FUT8: variants seen among roughly 807,000 people sequenced by gnomAD.
FUT8 encodes the protein fucosyltransferase 8, also known as alpha-(1,6)-fucosyltransferase.
In FUT8, 29 loss-of-function variants were observed where a neutral mutation model predicts 71.3. That is an observed-to-expected ratio of 0.41 (90% CI 0.30 to 0.55). The LOEUF is 0.55. Among genes scored for constraint, FUT8 ranks in the 20% least tolerant of loss-of-function variants. The pLI, the probability that FUT8 is intolerant of heterozygous loss-of-function variation, is 0.34. For missense variants in FUT8, 544 were observed against 702.1 expected, an observed-to-expected ratio of 0.77 and a Z score of 2.55; for synonymous variants, 254 against 239.3, an observed-to-expected ratio of 1.06 and a Z score of -0.57.
At chr14:65,639,114 C>T (rs748697057) in intron 6 of FUT8, among the ~76,000 whole-genome samples, 25 of 151,444 alleles carry the variant, frequency 1.7e-4, no homozygotes, top group Non-Finnish European at 3.4e-4. Context: ...AAAAAATGAA[C>T]AACTTGACTA....
chr14:65,473,973 A>G lies in FUT8; in HGVS notation c.-228+18255A>G, dbSNP rs2066189417. ...ATGTAATACCACTCAGCCATAAAGA[A>G]GAATGAAATAACATTTTTGCAGCAA... On this transcript the variant is annotated intron_variant, in intron 2 of 10. Coordinates refer to ENST00000673929, the MANE Select transcript of FUT8 (RefSeq NM_001371533.1). Among the ~76,000 whole-genome samples the G allele has an allele frequency of 2.0e-5, 3 of 152,304 alleles. No homozygotes were observed. The South Asian group carries it at 6.2e-4, about 32-fold the overall frequency.
chr14:65,482,533 A>G (rs2066347557), intron 2 of FUT8, among the ~76,000 whole-genome samples: 2 of 152,114 alleles, frequency 1.3e-5, no homozygotes, highest in African/African-American at 4.8e-5. Context: ...GTGAAAATCA[A>G]TTTCTAAATG....
At chr14:65,390,599 G>A in the FUT8 span, among the ~76,000 whole-genome samples, 6 of 151,670 alleles carry the variant, frequency 4.0e-5, no homozygotes, top group African/African-American at 1.5e-4. Context: ...CTACATATCA[G>A]TTTGAGGAAA....
intron 7 of FUT8, among the ~76,000 whole-genome samples, chr14:65,692,540 G>A (rs1893714954): frequency 2.1e-5 from 3 of 142,558 alleles, no homozygotes; most frequent in Admixed American, 2.0e-4. Context: ...GGACGGGGCG[G>A]CTGGCCGGGA....
chr14:65,412,270 G>A (rs768537915), upstream of FUT8: 3 of 455,786 alleles, frequency 6.6e-6, no homozygotes, highest in African/African-American at 2.0e-5. Flanking sequence ...CGGGCTGCAG[G>A]GGCTGAGCAG....
chr14:65,596,080 A>G (rs536092602), intron 3 of FUT8, among the ~76,000 whole-genome samples: 1 of 152,320 alleles, frequency 6.6e-6, no homozygotes, highest in Admixed American at 6.5e-5. Context: ...TGACCTGACA[A>G]ACTGGTAATC....
intron 3 of FUT8, among the ~76,000 whole-genome samples, chr14:65,566,579 G>T (rs1051572659): frequency 4.6e-5 from 7 of 151,950 alleles, no homozygotes; most frequent in Non-Finnish European, 8.8e-5. Context: ...TAGATTTTCA[G>T]GTGGATTTGG....
chr14:65,543,672 A>G (rs1408859657), intron 2 of FUT8, among the ~76,000 whole-genome samples: 4 of 152,102 alleles, frequency 2.6e-5, no homozygotes, highest in Non-Finnish European at 4.4e-5. Context: ...TGATTAGTCT[A>G]AGCTGGTAAT....
the FUT8 span, among the ~76,000 whole-genome samples, chr14:65,381,450 A>G: frequency 3.9e-5 from 6 of 152,324 alleles, no homozygotes; most frequent in Admixed American, 1.3e-4. Context: ...TTCTTATTCC[A>G]TCTGACAACA....
intron 3 of FUT8, among the ~76,000 whole-genome samples, chr14:65,584,229 A>C (rs183047535): frequency 0.013 from 1,860 of 147,098 alleles, 15 homozygotes; most frequent in Non-Finnish European, 0.018. Flanking sequence ...CCCAAGCTGG[A>C]GTGCAGTGGT....
chr14:65,478,758 T>G (rs965474381), intron 2 of FUT8, among the ~76,000 whole-genome samples: 1 of 152,202 alleles, frequency 6.6e-6, no homozygotes, highest in African/African-American at 2.4e-5. Flanking sequence ...ACCAATGAGA[T>G]ATGTTTTCTT....
intron 3 of FUT8, among the ~76,000 whole-genome samples, chr14:65,613,838 C>T (rs1889133917): frequency 1.3e-5 from 2 of 152,020 alleles, no homozygotes; most frequent in African/African-American, 2.4e-5. Flanking sequence ...GTTGGCTGGG[C>T]GCCGTGGCTC....
chr14:65,431,373 A>C (rs1293606281), intron 1 of FUT8, among the ~76,000 whole-genome samples: 1 of 135,180 alleles, frequency 7.4e-6, no homozygotes, highest in Non-Finnish European at 1.6e-5. Context: ...GGAGTGGCGC[A>C]ATCCCAGCTC....
rs368309806 is a variant in FUT8 at position 65,662,277 on chromosome 14, T to C, written c.598-6966T>C. Among the ~76,000 whole-genome samples the C allele has an allele frequency of 1.2e-4, 19 of 152,148 alleles. No individual in the cohort carries two copies. The South Asian group carries it at 4.0e-3, about 32-fold the overall frequency. ...AAACTAAAAAAGTTAGCTGGGCTAC[T>C]TGGGGGGATGAGGTGGGAGGATGGC... On this transcript the variant is annotated intron_variant, in intron 6 of 10. Coordinates refer to ENST00000673929, the MANE Select transcript of FUT8 (RefSeq NM_001371533.1).
chr14:65,632,133 G>A (rs926617189), intron 6 of FUT8, among the ~76,000 whole-genome samples: 5 of 152,076 alleles, frequency 3.3e-5, no homozygotes, highest in African/African-American at 9.7e-5. Flanking sequence ...GTTGATTGAC[G>A]GGCATTTGGG....
intron 7 of FUT8, among the ~76,000 whole-genome samples, chr14:65,677,397 A>C (rs1254307329): frequency 1.3e-5 from 2 of 152,088 alleles, no homozygotes; most frequent in African/African-American, 4.8e-5. Flanking sequence ...ACCTCTTCCT[A>C]AAGAGGTCCT....
chr14:65,689,025 C>G (rs1467721155), intron 7 of FUT8, among the ~76,000 whole-genome samples: 1 of 152,176 alleles, frequency 6.6e-6, no homozygotes, highest in African/African-American at 2.4e-5. Context: ...CTCATACCAT[C>G]ACACTGGAAG....
chr14:65,369,806 A>G, the FUT8 span, among the ~76,000 whole-genome samples: 1 of 152,168 alleles, frequency 6.6e-6, no homozygotes, highest in African/African-American at 2.4e-5. This position sits in a 1 kb window ranked among gnomAD's most constrained non-coding sequence, Gnocchi z 4.6. Flanking sequence ...CTTGTTTGGC[A>G]TATAATCCAG....
the FUT8 span, among the ~76,000 whole-genome samples, chr14:65,365,328 CCTCTCTCTCTCTCTCT>C: frequency 7.2e-6 from 1 of 138,970 alleles, no homozygotes; most frequent in Non-Finnish European, 1.6e-5. Flanking sequence ...ATAAATTCTT[CCTCTCTCTCTCTCTCT>C]CTCTCTCTCT....
Sources: allele counts gnomAD v4.1 joint callset (sites outside exome capture counted in the v4.1 genomes callset), GRCh38; gene constraint gnomAD v4.1.1; non-coding constraint Gnocchi (gnomAD v3.1); transcripts MANE v1.5; gene names NCBI Gene and HGNC (gene_info 2026-07-23, HGNC 2026-07-21).